SLC8B1: variants seen among roughly 807,000 people sequenced by gnomAD.
The protein encoded by SLC8B1 is solute carrier family 8 member B1, also known as mitochondrial sodium/calcium exchanger protein.
Under a neutral mutation model 63.4 loss-of-function variants are expected in SLC8B1, and 52 were observed. The ratio of observed to expected loss-of-function variants is 0.82; its 90% CI spans 0.66 to 1.03. The LOEUF is 1.03. SLC8B1 is among the 50% of genes least tolerant of loss of function. The pLI is 0.00. For missense variants in SLC8B1, 657 were observed against 741.7 expected, an observed-to-expected ratio of 0.89 and a Z score of 1.33; for synonymous variants, 336 against 323.9, an observed-to-expected ratio of 1.04 and a Z score of -0.40.
At chr12:113,319,312 T>C in intron 7 of SLC8B1, 1 of 448,508 alleles carries the variant, frequency 2.2e-6, no homozygotes, top group Non-Finnish European at 4.2e-6. Context: ...GCGAGAGACC[T>C]CCAGGTCCCC....
chr12:113,302,463 G>A lies in SLC8B1; in HGVS notation c.1557+1858C>T, dbSNP rs934088576. ...GCTGTTGTCAGCCCCCTGGTTTGTG[G>A]TCAGTTATGGCAGCACTAGGGAACT... is the stretch of plus-strand genomic sequence containing the variant. On this transcript the variant is annotated intron_variant, in intron 15 of 15. Transcript: ENST00000680972. 6 of 294,716 alleles carry A rather than the reference G, an allele frequency of 2.0e-5. No individual in the cohort carries two copies. In the Admixed American group the frequency reaches 2.1e-4, roughly 10 times the overall value. The allele number at this position is 294,716 out of a possible 1,614,324, so 18.3% of individuals were successfully genotyped here. A position where few individuals can be genotyped will look rare whatever the true frequency, so the allele number is the denominator to read the frequency against.
At chr12:113,313,985 G>A (rs1593246363) in intron 11 of SLC8B1, among the ~76,000 whole-genome samples, 1 of 152,226 alleles carries the variant, frequency 6.6e-6, no homozygotes, top group Middle Eastern at 3.4e-3. Context: ...ACTCGGGTCT[G>A]GGTGACAGTC....
rs1319908914 is a variant in SLC8B1, at chr12:113,305,488, C to T, written c.1492+1007G>A. Among the ~76,000 whole-genome samples, 5 of 152,224 alleles carry T rather than the reference C, an allele frequency of 3.3e-5. No homozygotes were observed. Among genetic ancestry groups the T allele is most frequent in the South Asian group, 2.1e-4 (1 of 4,838 alleles). On this transcript the variant is annotated intron_variant, in intron 14 of 15. Coordinates refer to ENST00000680972, the MANE Select transcript of SLC8B1 (RefSeq NM_001358345.2). This position sits in a 1 kb window ranked among gnomAD's most constrained non-coding sequence, Gnocchi z 4.3. ...TATCCACTGCTGGCCGAATGCCTGC[C>T]GTGCGCCAGGCACTGTCTGGAACCC...
chr12:113,304,920 T>A (rs1490720157), intron 14 of SLC8B1, among the ~76,000 whole-genome samples: 1 of 152,106 alleles, frequency 6.6e-6, no homozygotes, highest in Non-Finnish European at 1.5e-5. Flanking sequence ...AAAAAATGAA[T>A]TTACTTGGCT....
intron 14 of SLC8B1, 70 bp from the exon 15 acceptor site, chr12:113,304,455 T>C: frequency 7.0e-7 from 1 of 1,419,592 alleles, no homozygotes; most frequent in East Asian, 2.3e-5. Flanking sequence ...CCGTTCCTCC[T>C]ACTGTGTTCA....
chr12:113,328,297 GGGATTACACA>G (rs1322555578), intron 2 of SLC8B1, among the ~76,000 whole-genome samples: 1 of 152,194 alleles, frequency 6.6e-6, no homozygotes, highest in Non-Finnish European at 1.5e-5. Flanking sequence ...CCAACGTGCT[GGGATTACACA>G]GGTGGGCCAC....
chr12:113,306,304 C>A (rs1264203391), intron 14 of SLC8B1, among the ~76,000 whole-genome samples, 191 bp downstream of exon 14: 1 of 152,076 alleles, frequency 6.6e-6, no homozygotes, highest in African/African-American at 2.4e-5. Context: ...TCACTGGATC[C>A]TTACAACACC....
At position 113,299,644 on chromosome 12, in the gene SLC8B1, A is replaced by T; in HGVS notation, c.*133T>A. 3 of 799,442 alleles carry T rather than the reference A, an allele frequency of 3.8e-6. No homozygotes were observed. The highest frequency in any genetic ancestry group is 2.1e-6 in the Non-Finnish European group (1 of 483,142). 49.5% of individuals were successfully genotyped at this position (799,442 alleles called of 1,614,324 possible). A position where few individuals can be genotyped will look rare whatever the true frequency, so the allele number is the denominator to read the frequency against. On this transcript the variant is annotated 3_prime_UTR_variant, in exon 16 of 16. Transcript: ENST00000680972. ...TCTCCCAGCTCACAGCAGTGACCTC[A>T]GATCTCCAGCAGCAAGGGCCGCACT... is the stretch of plus-strand genomic sequence containing the variant.
intron 15 of SLC8B1, among the ~76,000 whole-genome samples, chr12:113,300,590 G>A (rs1328019889): frequency 1.3e-5 from 2 of 152,190 alleles, no homozygotes; most frequent in African/African-American, 2.4e-5. Flanking sequence ...GCAGCAGCCC[G>A]GCCTGCCCTG....
chr12:113,319,271 C>T, intron 7 of SLC8B1, 200 bp from the exon 8 acceptor site: 1 of 542,716 alleles, frequency 1.8e-6, no homozygotes, highest in South Asian at 2.0e-5. Context: ...TCCTGTCTCC[C>T]TTGCAATCAA....
intron 12 of SLC8B1, among the ~76,000 whole-genome samples, chr12:113,309,809 T>C (rs1168096744): frequency 2.6e-5 from 4 of 151,716 alleles, no homozygotes; most frequent in African/African-American, 9.7e-5. Context: ...ATGTCCATGA[T>C]AGGCAAACCC....
At chr12:113,329,407 T>C (rs1262558174) in intron 2 of SLC8B1, among the ~76,000 whole-genome samples, 1 of 152,312 alleles carries the variant, frequency 6.6e-6, no homozygotes, top group East Asian at 1.9e-4. Context: ...CCCTCCTCCC[T>C]GTCCTCGGGG....
chr12:113,334,158 C>T (rs1957096759), intron 1 of SLC8B1, among the ~76,000 whole-genome samples: 1 of 152,220 alleles, frequency 6.6e-6, no homozygotes, highest in African/African-American at 2.4e-5. Flanking sequence ...CACCATGTGC[C>T]TCTTCCCTCA....
intron 8 of SLC8B1, among the ~76,000 whole-genome samples, chr12:113,317,308 T>G (rs1220657744): frequency 2.0e-5 from 3 of 152,130 alleles, no homozygotes; most frequent in Non-Finnish European, 2.9e-5. Context: ...CTGGCTGGTC[T>G]CAAACTCCTG....
chr12:113,313,399 A>C (rs1198320086), intron 11 of SLC8B1, among the ~76,000 whole-genome samples: 1 of 151,898 alleles, frequency 6.6e-6, no homozygotes, highest in Non-Finnish European at 1.5e-5. Context: ...AATGGAGCCC[A>C]GAAGTTCAGG....
Position 113,321,108 on chromosome 12 carries a change from C to A in SLC8B1, c.310G>T (p.Val104Phe). ...AGAAACAGGTAGAGCAGCCAGGAAA[C>A]CTGGGTGGGGAGCGGGCGAGGAAGG... ...SLLPLAVTLYVSWLLYLFLIL... is the reference protein window; with the variant it reads ...SLLPLAVTLYFSWLLYLFLIL... The change falls in exon 4 of 16, where the codon GTT becomes TTT. Residue 104 changes from valine to phenylalanine, a missense_variant and splice_region_variant. Val to Phe is a conservative substitution (Grantham distance 50, BLOSUM62 -1). Coordinates refer to ENST00000680972, the MANE Select transcript of SLC8B1 (RefSeq NM_001358345.2). The A allele has an allele frequency of 2.5e-6, 4 of 1,614,046 alleles. No individual in the cohort carries two copies. The highest frequency in any genetic ancestry group is 2.2e-5 in the South Asian group (2 of 91,072).
chr12:113,320,923 G>A lies in SLC8B1; in HGVS notation c.363-16C>T, dbSNP rs375544526. ...GGGGCAGAAACTACGGAGAAAAAGC[G>A]GACGGGAAGCATTTCCGTAGTAACC... On this transcript the variant is annotated splice_polypyrimidine_tract_variant and intron_variant, in intron 4 of 15. Coordinates refer to ENST00000680972, the MANE Select transcript of SLC8B1 (RefSeq NM_001358345.2). This position sits in a 1 kb window ranked among gnomAD's most constrained non-coding sequence, Gnocchi z 5.3. The A allele has an allele frequency of 3.4e-5, 55 of 1,602,224 alleles. No individual in the cohort carries two copies. In the Middle Eastern group the frequency reaches 9.9e-4, roughly 29 times the overall value.
intron 2 of SLC8B1, among the ~76,000 whole-genome samples, chr12:113,328,755 T>A (rs1957025170): frequency 6.6e-6 from 1 of 151,424 alleles, no homozygotes; most frequent in Non-Finnish European, 1.5e-5. Context: ...CTTTTTTTTT[T>A]TTTTTTCCTT....
Position 113,299,954 on chromosome 12 carries a change from C to T in SLC8B1, c.1578G>A (p.Leu526=). Residue 526 remains leucine, a synonymous_variant, in exon 16 of 16, where the codon CTG becomes CTA. Coordinates refer to ENST00000680972, the MANE Select transcript of SLC8B1 (RefSeq NM_001358345.2). ...TEVKLEPDGL[L]VWVLAGALGL... ...CCAGGGCGCCTGCCAGGACCCACAC[C>T]AGCAGTCCGTCTGGCTCCAGCTGTG... 6.2e-7 allele frequency: 1 copy of T among 1,613,556 alleles called. No homozygotes were observed. Among genetic ancestry groups the T allele is most frequent in the Non-Finnish European group, 8.5e-7 (1 of 1,179,978 alleles).
Sources: gnomAD v4.1 joint callset for allele counts (sites outside exome capture counted in the v4.1 genomes callset) on GRCh38, gnomAD v4.1.1 for gene constraint, Gnocchi (gnomAD v3.1) non-coding constraint, MANE v1.5 for transcripts, NCBI Gene and HGNC (gene_info 2026-07-23, HGNC 2026-07-21) for gene names.